Variants in DCAF5 observed in about 807,000 individuals in gnomAD.
DCAF5 encodes DDB1- and CUL4-associated factor 5.
Under a neutral mutation model 80.7 loss-of-function variants are expected in DCAF5, and 9 were observed. The ratio of observed to expected loss-of-function variants is 0.11; its 90% CI spans 0.07 to 0.19. DCAF5 has a LOEUF of 0.19. Ranked by LOEUF, DCAF5 falls within the 10% of genes least tolerant of loss-of-function variation. DCAF5 has a pLI of 1.00. For missense variants in DCAF5, 842 were observed against 1,205.7 expected (o/e 0.70, Z 4.47); for synonymous variants, 433 against 461.9 (o/e 0.94, Z 0.80).
intron 6 of DCAF5, among the ~76,000 whole-genome samples, chr14:69,078,855 C>A (rs1394299275): frequency 6.6e-6 from 1 of 152,072 alleles, no homozygotes; most frequent in Non-Finnish European, 1.5e-5. Flanking sequence ...TGTAAATGTA[C>A]ATATATATTT....
chr14:69,095,577 A>G (rs933840801), intron 5 of DCAF5, among the ~76,000 whole-genome samples: 1 of 152,118 alleles, frequency 6.6e-6, no homozygotes, highest in African/African-American at 2.4e-5. Context: ...AAACCACTCA[A>G]TTGGACTTCT....
intron 5 of DCAF5, among the ~76,000 whole-genome samples, chr14:69,108,823 G>A (rs1055755872): frequency 6.6e-6 from 1 of 152,078 alleles, no homozygotes; most frequent in Non-Finnish European, 1.5e-5. Context: ...TAATCATTGT[G>A]ACGAGCAAAA....
chr14:69,132,263 C>T (rs781230522), intron 1 of DCAF5, among the ~76,000 whole-genome samples: 13 of 152,174 alleles, frequency 8.5e-5, no homozygotes, highest in Non-Finnish European at 1.5e-4. Flanking sequence ...TCACCAACAA[C>T]GTACAAGAGT....
intron 1 of DCAF5, among the ~76,000 whole-genome samples, chr14:69,148,452 T>A (rs780758043): frequency 3.3e-5 from 5 of 152,166 alleles, no homozygotes; most frequent in African/African-American, 9.7e-5. Context: ...ATCCCAGGAC[T>A]TTGGGAGGCT....
At chr14:69,077,340 C>T (rs1362296401) in intron 6 of DCAF5, among the ~76,000 whole-genome samples, 2 of 150,864 alleles carry the variant, frequency 1.3e-5, no homozygotes, top group African/African-American at 4.9e-5. Flanking sequence ...GGAGATGGAA[C>T]ACAGGCATGC....
intron 5 of DCAF5, among the ~76,000 whole-genome samples, chr14:69,112,630 A>ACACACACACACACAC (rs1566765728): frequency 1.5e-5 from 2 of 130,322 alleles, no homozygotes; most frequent in African/African-American, 7.2e-5. Flanking sequence ...CACACACACA[A>ACACACACACACACAC]ATAACACACA....
intron 1 of DCAF5, among the ~76,000 whole-genome samples, chr14:69,143,074 A>C (rs2041423903): frequency 6.6e-6 from 1 of 152,190 alleles, no homozygotes; most frequent in Non-Finnish European, 1.5e-5. Flanking sequence ...GCTAGCACCA[A>C]GAGACATCTG....
At chr14:69,065,295 C>T (rs1307907358) in intron 7 of DCAF5, among the ~76,000 whole-genome samples, 1 of 152,106 alleles carries the variant, frequency 6.6e-6, no homozygotes, top group African/African-American at 2.4e-5. Flanking sequence ...CGGGGTTTCA[C>T]CATCTTAGCC....
At chr14:69,105,692 C>T (rs1054576738) in intron 5 of DCAF5, among the ~76,000 whole-genome samples, 1 of 151,724 alleles carries the variant, frequency 6.6e-6, no homozygotes, top group African/African-American at 2.4e-5. Context: ...GGACATCAGA[C>T]TGCAAGTTCT....
At chr14:69,099,071 T>G (rs1275451475) in intron 5 of DCAF5, among the ~76,000 whole-genome samples, 1 of 151,698 alleles carries the variant, frequency 6.6e-6, no homozygotes, top group Admixed American at 6.6e-5. Context: ...GCCAACATGG[T>G]GAAACCCAGT....
At chr14:69,135,161 A>G (rs1029424257) in intron 1 of DCAF5, among the ~76,000 whole-genome samples, 3 of 152,208 alleles carry the variant, frequency 2.0e-5, no homozygotes, top group African/African-American at 4.8e-5. Context: ...TTTTTTCGCA[A>G]TAACACTACA....
intron 8 of DCAF5, among the ~76,000 whole-genome samples, chr14:69,057,076 G>A (rs1302419382): frequency 6.6e-6 from 1 of 152,196 alleles, no homozygotes; most frequent in Non-Finnish European, 1.5e-5. Flanking sequence ...TAGAGGTTCT[G>A]ATTCAGTAAG....
intron 1 of DCAF5, among the ~76,000 whole-genome samples, chr14:69,140,040 G>A (rs972446136): frequency 1.3e-5 from 2 of 151,874 alleles, no homozygotes; most frequent in Non-Finnish European, 2.9e-5. Context: ...GAGGACGAGG[G>A]GGATTGCCTG....
chr14:69,056,516 T>C (rs1469968230), intron 8 of DCAF5, among the ~76,000 whole-genome samples: 6 of 152,206 alleles, frequency 3.9e-5, no homozygotes, highest in Non-Finnish European at 8.8e-5. Flanking sequence ...CGAGAACGAT[T>C]AGCTCCACCT....
intron 1 of DCAF5, among the ~76,000 whole-genome samples, chr14:69,146,240 C>A (rs905705917): frequency 2.0e-5 from 3 of 152,154 alleles, no homozygotes; most frequent in Non-Finnish European, 4.4e-5. Context: ...ATACTGAGCA[C>A]AAGGACAACT....
chr14:69,109,425 A>G (rs1050845403), intron 5 of DCAF5, among the ~76,000 whole-genome samples: 6 of 152,182 alleles, frequency 3.9e-5, no homozygotes, highest in Non-Finnish European at 5.9e-5. Context: ...TAGGTATACA[A>G]CCATGAAATT....
At chr14:69,116,279 G>A in intron 5 of DCAF5, 87 bp downstream of exon 5, 8 of 1,473,032 alleles carry the variant, frequency 5.4e-6, no homozygotes, top group Non-Finnish European at 7.4e-6. Flanking sequence ...CTGCCAAAGA[G>A]GTCCTTACAA....
intron 5 of DCAF5, among the ~76,000 whole-genome samples, chr14:69,111,677 G>A (rs2040371629): frequency 6.6e-6 from 1 of 152,220 alleles, no homozygotes; most frequent in African/African-American, 2.4e-5. Flanking sequence ...AAAGTGTTCA[G>A]AGGGCACTGC....
chr14:69,144,866 A>T (rs1167707126), intron 1 of DCAF5, among the ~76,000 whole-genome samples: 1 of 152,148 alleles, frequency 6.6e-6, no homozygotes, highest in Non-Finnish European at 1.5e-5. Context: ...ACAGCCAGAG[A>T]CAATGCAGAC....
Sources: gnomAD v4.1 joint callset for allele counts (sites outside exome capture counted in the v4.1 genomes callset) on GRCh38, gnomAD v4.1.1 for gene constraint, MANE v1.5 for transcripts, NCBI Gene and HGNC (gene_info 2026-07-23, HGNC 2026-07-21) for gene names.